The following ASH1L variants were observed in gnomAD, a reference collection of about 807,000 sequenced individuals.
ASH1L encodes histone-lysine N-methyltransferase ASH1L.
Under a neutral mutation model 269.0 loss-of-function variants are expected in ASH1L, and 23 were observed. The ratio of observed to expected loss-of-function variants is 0.09; its 90% confidence interval spans 0.06 to 0.12. The LOEUF is 0.12. Among genes scored for constraint, ASH1L ranks in the 10% least tolerant of loss-of-function variants. ASH1L has a pLI of 1.00. For synonymous variants in ASH1L, 1,187 were observed against 1,253.5 expected (o/e 0.95, Z 1.12); for missense variants, 2,912 against 3,567.8 (o/e 0.82, Z 4.68).
In ASH1L at chr1:155,562,433, C is replaced by G; in HGVS notation, c.-380G>C. 6.8e-7 allele frequency: 1 copy of G among 1,468,994 alleles called. No homozygotes were observed. Among genetic ancestry groups the G allele is most frequent in the Non-Finnish European group, 9.2e-7 (1 of 1,083,912 alleles). The allele number at this position is 1,468,994 out of a possible 1,614,324, so 91.0% of individuals were successfully genotyped here. Reference sequence around the variant, plus strand: ...CCCAAAATGGCGGCGGGAGCGGCGGCGGCGGCGGCGGCAGCAGCAGAGTGG... The same window carrying G: ...CCCAAAATGGCGGCGGGAGCGGCGGGGGCGGCGGCGGCAGCAGCAGAGTGG... On this transcript the variant is annotated 5_prime_UTR_variant, in exon 1 of 28. Transcript: ENST00000392403.
intron 1 of ASH1L, among the ~76,000 whole-genome samples, chr1:155,546,330 CAAA>C (rs1172676697): frequency 8.8e-6 from 1 of 113,550 alleles, no homozygotes. Context: ...GACTCTGACT[CAAA>C]AAAAAAAAAA....
chr1:155,556,736 T>G (rs568089622), intron 1 of ASH1L, among the ~76,000 whole-genome samples: 248 of 152,132 alleles, frequency 1.6e-3, no homozygotes, highest in Non-Finnish European at 2.9e-3. Flanking sequence ...CCACTGCACC[T>G]GGCCAAAAAT....
intron 4 of ASH1L, among the ~76,000 whole-genome samples, chr1:155,453,428 T>C (rs1420116505): frequency 1.3e-5 from 2 of 152,220 alleles, no homozygotes; most frequent in South Asian, 2.1e-4. Context: ...TCCGTCTCCC[T>C]TGTATATGAC....
Position 155,343,459 on chromosome 1 carries a change from A to G in ASH1L, c.8148T>C (p.His2716=), listed in dbSNP as rs770456225. The G allele has an allele frequency of 4.3e-6, 7 of 1,614,178 alleles. No homozygotes were observed. Among genetic ancestry groups the G allele is most frequent in the Non-Finnish European group, 5.9e-6 (7 of 1,180,016 alleles). Residue 2716 remains histidine, a synonymous_variant, in exon 24 of 28, where the codon CAT becomes CAC. Coordinates refer to ENST00000392403, the MANE Select transcript of ASH1L (RefSeq NM_018489.3). This position sits in a 1 kb window ranked among gnomAD's most constrained non-coding sequence, Gnocchi z 6.1. The stretch of plus-strand genomic sequence containing the variant: ...GGTGTGTTTCGTGGGGACGGAAATA[A>G]TGGTGACCAAAGGCAAACCGTTCCT... ...EKEERFAFGH[H]YFRPHETHHS...
At chr1:155,351,353 C>T (rs373307576) in intron 17 of ASH1L, among the ~76,000 whole-genome samples, 3 of 150,494 alleles carry the variant, frequency 2.0e-5, no homozygotes, top group Non-Finnish European at 4.4e-5. Flanking sequence ...AGTTCGAAAA[C>T]GGCTTGGCTA....
At chr1:155,432,377 G>A (rs1661675858) in intron 5 of ASH1L, among the ~76,000 whole-genome samples, 1 of 152,116 alleles carries the variant, frequency 6.6e-6, no homozygotes, top group Non-Finnish European at 1.5e-5. Context: ...ATAGCACTTG[G>A]ATGGTTAAAA....
At chr1:155,455,553 T>C (rs1663811606) in intron 4 of ASH1L, among the ~76,000 whole-genome samples, 2 of 152,228 alleles carry the variant, frequency 1.3e-5, no homozygotes, top group Admixed American at 6.5e-5. Context: ...CCTTTGACTA[T>C]ACCTAGAAGG....
chr1:155,340,814 C>T (rs147063482), intron 25 of ASH1L, among the ~76,000 whole-genome samples: 1 of 149,596 alleles, frequency 6.7e-6, no homozygotes. Context: ...CTCTGTCACT[C>T]AGGCTGGAGT....
rs191549375 is a variant in ASH1L, at chr1:155,481,419, C to T, written c.1451G>A (p.Arg484Gln). 28 of 1,613,988 alleles carry T rather than the reference C, an allele frequency of 1.7e-5. No homozygotes were observed. In the Admixed American group the frequency reaches 2.2e-4, roughly 12 times the overall value. The change falls in exon 3 of 28, where the codon CGA (arginine) becomes CAA (glutamine). Residue 484 changes from arginine (R) to glutamine (Q), a missense_variant. Arg to Gln is a conservative substitution (Grantham distance 43, BLOSUM62 1). Transcript: ENST00000392403. ...KESILEKFSV[R>Q]KEIINLEKEM... ...TTTCTCCAAATTAATGATTTCTTTT[C>T]GTACTGAGAACTTTTCCAATATGCT...
intron 2 of ASH1L, among the ~76,000 whole-genome samples, chr1:155,498,629 TG>T (rs1667309255): frequency 6.6e-6 from 1 of 151,976 alleles, no homozygotes; most frequent in Non-Finnish European, 1.5e-5. Flanking sequence ...TTAGTCGAGA[TG>T]GGGTTTCTCC....
chr1:155,549,063 A>G (rs1309663287), intron 1 of ASH1L, among the ~76,000 whole-genome samples: 1 of 152,184 alleles, frequency 6.6e-6, no homozygotes, highest in Non-Finnish European at 1.5e-5. Context: ...GCAACACAGT[A>G]TATTTACATA....
intron 3 of ASH1L, among the ~76,000 whole-genome samples, chr1:155,465,484 T>G (rs1433963972): frequency 2.0e-5 from 3 of 152,160 alleles, no homozygotes; most frequent in Non-Finnish European, 2.9e-5. Flanking sequence ...GTTTGATGTT[T>G]GCAATGCTAG....
At chr1:155,412,895 T>G (rs553046863) in intron 6 of ASH1L, among the ~76,000 whole-genome samples, 14 of 151,792 alleles carry the variant, frequency 9.2e-5, no homozygotes, top group African/African-American at 1.9e-4. Flanking sequence ...TCTGTGTGTT[T>G]TTTTTTTTTT....
chr1:155,385,637 G>A (rs1316790783), intron 7 of ASH1L, among the ~76,000 whole-genome samples: 2 of 152,060 alleles, frequency 1.3e-5, no homozygotes, highest in Middle Eastern at 3.2e-3. Flanking sequence ...CAAGGCATGA[G>A]CCACCATGCT....
At chr1:155,357,186 T>A (rs58647953) in intron 15 of ASH1L, 130 bp downstream of exon 15, 1 of 394,854 alleles carries the variant, frequency 2.5e-6, no homozygotes, top group Non-Finnish European at 4.5e-6. Context: ...TCCAGGTTCA[T>A]AGATCCCCTG....
chr1:155,364,900 C>T (rs1252499258), intron 12 of ASH1L, among the ~76,000 whole-genome samples: 1 of 146,784 alleles, frequency 6.8e-6, no homozygotes, highest in Non-Finnish European at 1.5e-5. Context: ...CAAGATCATA[C>T]CACTGTACTC....
At chr1:155,508,857 A>G (rs1667984143) in intron 2 of ASH1L, among the ~76,000 whole-genome samples, 1 of 152,198 alleles carries the variant, frequency 6.6e-6, no homozygotes, top group Non-Finnish European at 1.5e-5. Context: ...TGACCTAAAT[A>G]GGCACAATAA....
intron 6 of ASH1L, among the ~76,000 whole-genome samples, chr1:155,407,470 T>C (rs1659392150): frequency 6.6e-6 from 1 of 152,190 alleles, no homozygotes; most frequent in Admixed American, 6.6e-5. Flanking sequence ...TCAAACAATG[T>C]GTGGATAAAT....
chr1:155,434,713 C>T (rs978592105), intron 5 of ASH1L, among the ~76,000 whole-genome samples: 5 of 151,724 alleles, frequency 3.3e-5, no homozygotes, highest in Admixed American at 1.3e-4. Flanking sequence ...ATTAGCCAGG[C>T]ATGGTGGTGT....
Sources: gnomAD v4.1 joint callset for allele counts (sites outside exome capture counted in the v4.1 genomes callset) on GRCh38, gnomAD v4.1.1 for gene constraint, Gnocchi (gnomAD v3.1) non-coding constraint, MANE v1.5 for transcripts, NCBI Gene and HGNC (gene_info 2026-07-23, HGNC 2026-07-21) for gene names.